TMEM135: variants seen among roughly 807,000 people sequenced by gnomAD.
TMEM135 encodes the protein transmembrane protein 135, also known as peroxisomal membrane protein 52.
Under a neutral mutation model 60.3 loss-of-function variants are expected in TMEM135, and 30 were observed. The observed-to-expected ratio is 0.50, with a 90% CI of 0.37 to 0.68. The LOEUF (loss-of-function observed/expected upper bound fraction) is 0.68. Ranked by LOEUF, TMEM135 falls within the 30% of genes least tolerant of loss-of-function variation. The pLI, the probability that TMEM135 is intolerant of heterozygous loss-of-function variation, is 0.00. For synonymous variants in TMEM135, 190 were observed against 186.7 expected, an observed-to-expected ratio of 1.02 and a Z score of -0.14; for missense variants, 468 against 548.8, an observed-to-expected ratio of 0.85 and a Z score of 1.47.
chr11:87,232,701 C>T (rs983721016), intron 5 of TMEM135, among the ~76,000 whole-genome samples: 5 of 151,934 alleles, frequency 3.3e-5, no homozygotes, highest in South Asian at 4.1e-4. Flanking sequence ...GCACAAAGGT[C>T]GAGGGCAGAA....
chr11:87,230,914 T>G (rs1469420095), intron 5 of TMEM135, among the ~76,000 whole-genome samples: 2 of 152,252 alleles, frequency 1.3e-5, no homozygotes, highest in East Asian at 1.9e-4. Flanking sequence ...CAGTCATGAT[T>G]TGATACCCGT....
intron 1 of TMEM135, among the ~76,000 whole-genome samples, chr11:87,063,807 TACAG>T (rs1371223531): frequency 4.6e-5 from 7 of 152,364 alleles, no homozygotes. Context: ...CAATAGACTG[TACAG>T]TTTGGTCTAT....
chr11:87,204,269 AT>A (rs143351546), intron 5 of TMEM135, among the ~76,000 whole-genome samples: 2 of 151,350 alleles, frequency 1.3e-5, no homozygotes, highest in African/African-American at 2.4e-5. Context: ...TATTCGTACA[AT>A]TTTTTTTTAC....
At chr11:87,159,591 G>GCACACACACACA (rs757338413) in intron 5 of TMEM135, among the ~76,000 whole-genome samples, 2 of 81,306 alleles carry the variant, frequency 2.5e-5, no homozygotes, top group African/African-American at 9.9e-5. Context: ...ATACACACAC[G>GCACACACACACA]CGCACACACA....
Position 87,325,318 on chromosome 11 carries a change from G to C in TMEM135, c.*3985G>C, listed in dbSNP as rs1318865439. 17 of 453,986 alleles carry C rather than the reference G, an allele frequency of 3.7e-5. No homozygotes were observed. The highest frequency in any genetic ancestry group is 7.5e-5 in the Non-Finnish European group (17 of 226,792). The allele number at this position is 453,986 out of a possible 1,614,324, so 28.1% of individuals were successfully genotyped here. ...GGGGCAGTAAGTTGGCCATGATATAGCTAGTGTCATAGGACTACAGCAGAG... is the reference window on the plus strand; with the variant it reads ...GGGGCAGTAAGTTGGCCATGATATACCTAGTGTCATAGGACTACAGCAGAG... On this transcript the variant is annotated 3_prime_UTR_variant, in exon 15 of 15. Transcript: ENST00000305494.
chr11:87,271,762 C>G (rs1941867030), intron 6 of TMEM135, among the ~76,000 whole-genome samples: 1 of 151,780 alleles, frequency 6.6e-6, no homozygotes, highest in African/African-American at 2.4e-5. Flanking sequence ...GGTGAAATCC[C>G]CTCTCTATAA....
intron 6 of TMEM135, among the ~76,000 whole-genome samples, chr11:87,283,402 C>T (rs1319944147): frequency 2.0e-5 from 3 of 151,478 alleles, no homozygotes; most frequent in African/African-American, 7.3e-5. Context: ...GTTTTTGCTC[C>T]ATTACTAGGA....
intron 5 of TMEM135, among the ~76,000 whole-genome samples, chr11:87,167,345 G>C (rs1347955174): frequency 6.6e-6 from 1 of 152,146 alleles, no homozygotes; most frequent in Non-Finnish European, 1.5e-5. Context: ...ATACTATGTT[G>C]AATAGGAGTG....
At chr11:87,191,436 T>G (rs913979439) in intron 5 of TMEM135, among the ~76,000 whole-genome samples, 1 of 151,998 alleles carries the variant, frequency 6.6e-6, no homozygotes, top group Non-Finnish European at 1.5e-5. Flanking sequence ...AGAGACAGAG[T>G]TTCACAGTGT....
intron 6 of TMEM135, among the ~76,000 whole-genome samples, chr11:87,285,531 G>A (rs554588412): frequency 2.6e-5 from 4 of 152,074 alleles, no homozygotes; most frequent in Non-Finnish European, 5.9e-5. Flanking sequence ...AAGGTGGCAC[G>A]TCTGGAGTTG....
chr11:87,266,817 T>C (rs1406784882), intron 6 of TMEM135, among the ~76,000 whole-genome samples: 1 of 152,214 alleles, frequency 6.6e-6, no homozygotes, highest in Non-Finnish European at 1.5e-5. Flanking sequence ...TTGTTTTGTA[T>C]AGATCAGACT....
chr11:87,063,722 T>G (rs956764271), intron 1 of TMEM135, among the ~76,000 whole-genome samples: 1 of 152,214 alleles, frequency 6.6e-6, no homozygotes, highest in Admixed American at 6.5e-5. Flanking sequence ...GGTTAGAAGC[T>G]CTGGGTTACA....
At chr11:87,196,866 A>T (rs1939972415) in intron 5 of TMEM135, among the ~76,000 whole-genome samples, 5 of 152,148 alleles carry the variant, frequency 3.3e-5, no homozygotes, top group Admixed American at 3.3e-4. Flanking sequence ...AAAAGTTACT[A>T]TCCAAAATTG....
At chr11:87,313,161 A>G (rs1261284041) in intron 10 of TMEM135, among the ~76,000 whole-genome samples, 1 of 151,906 alleles carries the variant, frequency 6.6e-6, no homozygotes, top group Non-Finnish European at 1.5e-5. Context: ...TAGCTAGGCA[A>G]AAGTGAAATT....
chr11:87,251,532 C>T (rs758542615), intron 6 of TMEM135, among the ~76,000 whole-genome samples: 14 of 151,952 alleles, frequency 9.2e-5, no homozygotes, highest in Non-Finnish European at 1.6e-4. Flanking sequence ...GGATTGAATA[C>T]GACACATTGT....
At chr11:87,060,502 A>G (rs1320509725) in intron 1 of TMEM135, among the ~76,000 whole-genome samples, 1 of 152,228 alleles carries the variant, frequency 6.6e-6, no homozygotes, top group Non-Finnish European at 1.5e-5. Flanking sequence ...AGTATGGATA[A>G]GTGATAATTC....
At chr11:87,047,372 G>C (rs1475540826) in intron 1 of TMEM135, among the ~76,000 whole-genome samples, 1 of 151,908 alleles carries the variant, frequency 6.6e-6, no homozygotes. Flanking sequence ...CGACGCAGAA[G>C]ACGGGTGATT....
intron 4 of TMEM135, among the ~76,000 whole-genome samples, chr11:87,115,765 C>A (rs570774147): frequency 2.6e-5 from 4 of 152,112 alleles, no homozygotes; most frequent in East Asian, 3.9e-4. Flanking sequence ...ATACACATAG[C>A]ATTTTGGGTT....
At chr11:87,213,193 A>G (rs894840502) in intron 5 of TMEM135, among the ~76,000 whole-genome samples, 1 of 152,114 alleles carries the variant, frequency 6.6e-6, no homozygotes, top group African/African-American at 2.4e-5. Flanking sequence ...GCTTAGTGTA[A>G]TTAGGTGTTT....
Sources: allele counts gnomAD v4.1 joint callset (sites outside exome capture counted in the v4.1 genomes callset), GRCh38; gene constraint gnomAD v4.1.1; transcripts MANE v1.5; gene names NCBI Gene and HGNC (gene_info 2026-07-23, HGNC 2026-07-21).